GATAD2A: variants seen among roughly 807,000 people sequenced by gnomAD.
GATAD2A encodes transcriptional repressor p66-alpha.
A neutral mutation model predicts 68.5 loss-of-function variants in GATAD2A; 12 were observed. The observed-to-expected ratio is 0.18, with a 90% CI of 0.11 to 0.28. The LOEUF is 0.28. GATAD2A is among the 10% of genes least tolerant of loss of function. GATAD2A has a pLI of 1.00. For missense variants in GATAD2A, 755 were observed against 868.5 expected, an observed-to-expected ratio of 0.87 and a Z score of 1.64; for synonymous variants, 410 against 375.3, an observed-to-expected ratio of 1.09 and a Z score of -1.07.
intron 11 of GATAD2A, among the ~76,000 whole-genome samples, chr19:19,504,887 C>G (rs1299706271): frequency 6.6e-6 from 1 of 152,086 alleles, no homozygotes; most frequent in Non-Finnish European, 1.5e-5. Flanking sequence ...AAGCAGTCTT[C>G]CCACCCCCCA....
chr19:19,394,696 G>A (rs1292204214), intron 1 of GATAD2A, among the ~76,000 whole-genome samples: 4 of 151,976 alleles, frequency 2.6e-5, no homozygotes, highest in East Asian at 3.9e-4. Flanking sequence ...CACCCACCTC[G>A]GTCTCCCAAA....
intron 2 of GATAD2A, among the ~76,000 whole-genome samples, chr19:19,470,521 A>G (rs1424864626): frequency 6.6e-6 from 1 of 152,228 alleles, no homozygotes; most frequent in African/African-American, 2.4e-5. Context: ...GGATTGATGG[A>G]AATTAATCAG....
At chr19:19,474,408 A>G (rs1600227080) in intron 2 of GATAD2A, among the ~76,000 whole-genome samples, 2 of 152,140 alleles carry the variant, frequency 1.3e-5, no homozygotes, top group Admixed American at 6.5e-5. Context: ...ACGCACTCCC[A>G]GCCCTTCCTG....
intron 2 of GATAD2A, among the ~76,000 whole-genome samples, chr19:19,467,115 C>T (rs1373019156): frequency 6.6e-6 from 1 of 152,220 alleles, no homozygotes; most frequent in African/African-American, 2.4e-5. Context: ...GTGACTCACG[C>T]CTGTAATCCC....
chr19:19,505,838 G>T lies in GATAD2A; in HGVS notation c.*364G>T. 2.4e-6 allele frequency: 1 copy of T among 422,258 alleles called. No homozygotes were observed. Among genetic ancestry groups the T allele is most frequent in the Non-Finnish European group, 4.1e-6 (1 of 241,536 alleles). The allele number at this position is 422,258 out of a possible 1,614,324, so 26.2% of individuals were successfully genotyped here. On this transcript the variant is annotated 3_prime_UTR_variant, in exon 12 of 12. Transcript: ENST00000683918. ...TGCCGGCACACGGGCGGCTCACCCT[G>T]GACACTGTGATGCGCATGGGCAAGG...
At chr19:19,475,318 C>T (rs950606171) in intron 2 of GATAD2A, among the ~76,000 whole-genome samples, 1 of 152,254 alleles carries the variant, frequency 6.6e-6, no homozygotes, top group Non-Finnish European at 1.5e-5. Flanking sequence ...TCCTACAGCC[C>T]TCTTGGCAGG....
chr19:19,439,172 G>C (rs187818083), intron 1 of GATAD2A, among the ~76,000 whole-genome samples: 191 of 152,336 alleles, frequency 1.3e-3, no homozygotes, highest in Non-Finnish European at 2.0e-3. Context: ...TCCCACTTGT[G>C]TGTACATTTA....
intron 2 of GATAD2A, among the ~76,000 whole-genome samples, chr19:19,475,794 C>T (rs1351809425): frequency 6.6e-6 from 1 of 152,180 alleles, no homozygotes; most frequent in East Asian, 1.9e-4. Context: ...TTCCTGCAGG[C>T]TCCTCATCCA....
At chr19:19,425,347 G>A (rs2052953654) in intron 1 of GATAD2A, among the ~76,000 whole-genome samples, 1 of 152,012 alleles carries the variant, frequency 6.6e-6, no homozygotes, top group South Asian at 2.1e-4. Context: ...ATTTTGACTG[G>A]TCCTGGCCAT....
intron 2 of GATAD2A, among the ~76,000 whole-genome samples, chr19:19,486,281 G>A (rs1455038421): frequency 2.0e-5 from 3 of 152,236 alleles, no homozygotes; most frequent in Admixed American, 6.5e-5. Flanking sequence ...GCTGCAAGGC[G>A]AAGGCACGGG....
chr19:19,485,072 C>G (rs990913082), intron 2 of GATAD2A, among the ~76,000 whole-genome samples: 2 of 152,198 alleles, frequency 1.3e-5, no homozygotes, highest in Non-Finnish European at 2.9e-5. Flanking sequence ...GAGTCTGCAC[C>G]TGTCTGGGGG....
At chr19:19,405,466 T>TGGGACTCGGCGGGGAGGGAGCC (rs2050105429), upstream of GATAD2A, among the ~76,000 whole-genome samples, 1 of 151,990 alleles carries the variant, frequency 6.6e-6, no homozygotes, top group African/African-American at 2.4e-5. Flanking sequence ...CGGAGGGCGC[T>TGGGACTCGGCGGGGAGGGAGCC]GGGACTCGGC....
chr19:19,447,224 G>T (rs1414700649), intron 1 of GATAD2A, among the ~76,000 whole-genome samples: 1 of 152,146 alleles, frequency 6.6e-6, no homozygotes, highest in Non-Finnish European at 1.5e-5. Context: ...TGAGACCTGG[G>T]GGAGTGGAGA....
intron 5 of GATAD2A, 82 bp from the exon 6 acceptor site, chr19:19,495,658 AGTATGTACTTTCAT>A: frequency 1.2e-5 from 11 of 932,230 alleles, no homozygotes; most frequent in South Asian, 1.1e-4. Flanking sequence ...AAAAAAAACT[AGTATGTACTTTCAT>A]AAAAGCAGCA....
At chr19:19,474,984 C>G (rs2058572324) in intron 2 of GATAD2A, among the ~76,000 whole-genome samples, 1 of 152,248 alleles carries the variant, frequency 6.6e-6, no homozygotes, top group Non-Finnish European at 1.5e-5. Context: ...AGCCCACTGC[C>G]CCTTGTGCTA....
chr19:19,405,214 G>A (rs1329873662), upstream of GATAD2A, among the ~76,000 whole-genome samples: 1 of 151,994 alleles, frequency 6.6e-6, no homozygotes, highest in African/African-American at 2.4e-5. Context: ...AGAAGTGATC[G>A]TTCAGCCGAT....
chr19:19,486,665 A>G (rs1262196491), intron 2 of GATAD2A, among the ~76,000 whole-genome samples: 1 of 152,186 alleles, frequency 6.6e-6, no homozygotes, highest in East Asian at 1.9e-4. Context: ...TTCTAGGGGC[A>G]TGCAGGGTGG....
At chr19:19,393,256 G>T (rs1040832907) in intron 1 of GATAD2A, among the ~76,000 whole-genome samples, 1 of 152,116 alleles carries the variant, frequency 6.6e-6, no homozygotes, top group Non-Finnish European at 1.5e-5. Context: ...GCAGTGAGCT[G>T]AGGTCGGGCC....
At chr19:19,501,862 C>T (rs2060547666) in intron 9 of GATAD2A, 107 bp from the exon 10 acceptor site, 3 of 779,254 alleles carry the variant, frequency 3.8e-6, no homozygotes, top group South Asian at 1.7e-5. Flanking sequence ...CCCCACTTGG[C>T]GCCTAAAGTC....
Sources: allele counts gnomAD v4.1 joint callset (sites outside exome capture counted in the v4.1 genomes callset), GRCh38; gene constraint gnomAD v4.1.1; transcripts MANE v1.5; gene names NCBI Gene and HGNC (gene_info 2026-07-23, HGNC 2026-07-21).